The following TMEM273 variants were observed in gnomAD, a reference collection of about 807,000 sequenced individuals.
TMEM273 encodes the protein chromosome 10 open reading frame 128.
Under a neutral mutation model 17.9 loss-of-function variants are expected in TMEM273, and 19 were observed. The observed-to-expected ratio is 1.06, with a 90% CI of 0.74 to 1.55. The LOEUF is 1.55. Ranked by LOEUF, TMEM273 falls within the 40% of genes most tolerant of loss-of-function variation. The probability of loss-of-function intolerance (pLI) is 0.00; values close to 1 mark genes in which losing one functional copy is unlikely to be tolerated. For missense variants in TMEM273, 194 were observed against 155.6 expected, an observed-to-expected ratio of 1.25 and a Z score of -1.31; for synonymous variants, 66 against 62.0, an observed-to-expected ratio of 1.07 and a Z score of -0.31.
chr10:49,186,640 A>G (rs923215111), intron 1 of TMEM273, among the ~76,000 whole-genome samples: 2 of 152,184 alleles, frequency 1.3e-5, no homozygotes, highest in African/African-American at 4.8e-5. Flanking sequence ...AGATGAGAAA[A>G]CTGGGCACAG....
At chr10:49,155,997 A>G (rs1317598682) in intron 6 of TMEM273, 88 bp from the exon 7 acceptor site, 1 of 1,609,646 alleles carries the variant, frequency 6.2e-7, no homozygotes, top group East Asian at 2.2e-5. Context: ...TCACACAATT[A>G]AACAGGTATA....
At chr10:49,165,709 G>A (rs1437234414) in intron 4 of TMEM273, 57 bp downstream of exon 4, 11 of 1,606,426 alleles carry the variant, frequency 6.8e-6, no homozygotes, top group Admixed American at 6.7e-5. Flanking sequence ...GGAGTGGCAC[G>A]GTCAAGACAG....
intron 1 of TMEM273, among the ~76,000 whole-genome samples, chr10:49,186,123 A>AAGAAGAAGAAGAAGAGG (rs1564652601): frequency 2.5e-5 from 2 of 78,608 alleles, no homozygotes; most frequent in African/African-American, 1.2e-4. Flanking sequence ...AGAAGAAGAA[A>AAGAAGAAGAAGAAGAGG]AAGAGGAAGA....
chr10:49,167,197 T>C (rs867099015), intron 2 of TMEM273, among the ~76,000 whole-genome samples, 188 bp from the exon 3 acceptor site: 30 of 152,058 alleles, frequency 2.0e-4, no homozygotes, highest in Admixed American at 1.3e-4. Flanking sequence ...ATCCCCTCCT[T>C]CAGCTGTAGA....
At chr10:49,166,086 C>T (rs559419978) in intron 3 of TMEM273, among the ~76,000 whole-genome samples, 40 of 152,188 alleles carry the variant, frequency 2.6e-4, no homozygotes, top group Non-Finnish European at 5.1e-4. Context: ...CAGACCAGCC[C>T]CTTCTGCTTA....
intron 5 of TMEM273, 41 bp from the exon 6 acceptor site, chr10:49,161,663 A>G (rs966384863): frequency 7.4e-6 from 12 of 1,613,888 alleles, no homozygotes; most frequent in Admixed American, 6.7e-5. Flanking sequence ...CCTAAGCCTT[A>G]GAAGCCAGAA....
intron 1 of TMEM273, among the ~76,000 whole-genome samples, chr10:49,171,331 G>A (rs1590217074): frequency 0.1 from 1 of 10 alleles, no homozygotes; most frequent in Non-Finnish European, 0.25. Flanking sequence ...CCAGAATACA[G>A]GCCCTTGCTG....
intron 1 of TMEM273, among the ~76,000 whole-genome samples, chr10:49,184,110 CA>C (rs913725997): frequency 6.6e-6 from 1 of 152,182 alleles, no homozygotes; most frequent in Non-Finnish European, 1.5e-5. Context: ...GATCATTACA[CA>C]GGTGATATTG....
Position 49,168,046 on chromosome 10 carries a change from C to T in TMEM273, c.44-84G>A, listed in dbSNP as rs1590207727. ...CCCAGTCTCAGAGGCCTGGGAAAGC[C>T]TACCCCATGTACCCACCAGGAGCAC... is the stretch of plus-strand genomic sequence containing the variant. On this transcript the variant is annotated intron_variant, in intron 1 of 6. Transcript: ENST00000374153. The T allele has an allele frequency of 1.5e-5, 23 of 1,550,370 alleles. No individual in the cohort carries two copies. The East Asian group carries it at 5.2e-4, about 35-fold the overall frequency.
intron 1 of TMEM273, among the ~76,000 whole-genome samples, chr10:49,170,178 C>T (rs762255745): frequency 6.6e-6 from 1 of 152,216 alleles, no homozygotes; most frequent in Non-Finnish European, 1.5e-5. Context: ...CACAGAGACA[C>T]TCAAGAGACA....
chr10:49,156,198 G>A, intron 6 of TMEM273: 1 of 1,448,860 alleles, frequency 6.9e-7, no homozygotes, highest in Non-Finnish European at 9.2e-7. Flanking sequence ...AGGTTAATAG[G>A]CATATTTTGG....
At chr10:49,175,359 C>T (rs1846882973) in intron 1 of TMEM273, among the ~76,000 whole-genome samples, 1 of 152,174 alleles carries the variant, frequency 6.6e-6, no homozygotes, top group Admixed American at 6.5e-5. Flanking sequence ...GCCTTTTCTC[C>T]TCGCCGCACG....
chr10:49,181,695 A>C (rs1447730145), intron 1 of TMEM273, among the ~76,000 whole-genome samples: 1 of 152,204 alleles, frequency 6.6e-6, no homozygotes, highest in Non-Finnish European at 1.5e-5. Flanking sequence ...CTTTAAACAA[A>C]AAGAGCTCAA....
chr10:49,165,339 G>T, intron 4 of TMEM273, 56 bp from the exon 5 acceptor site: 2 of 1,550,192 alleles, frequency 1.3e-6, no homozygotes, highest in South Asian at 2.4e-5. Flanking sequence ...CCCAAGGCAG[G>T]ACCGTCCCTG....
chr10:49,181,389 G>A (rs572514529), intron 1 of TMEM273, among the ~76,000 whole-genome samples: 107 of 152,280 alleles, frequency 7.0e-4, no homozygotes, highest in African/African-American at 2.6e-3. Context: ...GAAAGATAAA[G>A]GAAAGAGAAA....
intron 1 of TMEM273, among the ~76,000 whole-genome samples, chr10:49,176,842 G>C (rs188532307): frequency 2.0e-5 from 3 of 152,218 alleles, no homozygotes; most frequent in African/African-American, 4.8e-5. Flanking sequence ...CAGCATCCGT[G>C]CTAGGCATCT....
At chr10:49,157,253 C>T (rs909349796) in intron 6 of TMEM273, among the ~76,000 whole-genome samples, 5 of 152,184 alleles carry the variant, frequency 3.3e-5, no homozygotes, top group Admixed American at 1.3e-4. Flanking sequence ...TGACAGGTAG[C>T]GATACCTCTG....
chr10:49,155,852 G>C lies in TMEM273; in HGVS notation c.*40C>G, dbSNP rs536631405. 6.2e-7 allele frequency: 1 copy of C among 1,614,034 alleles called. No individual in the cohort carries two copies. The highest frequency in any genetic ancestry group is 8.5e-7 in the Non-Finnish European group (1 of 1,180,002). On this transcript the variant is annotated 3_prime_UTR_variant, in exon 7 of 7. Transcript: ENST00000374153. ...ATGTTAACCATGGGCTGTTTTCCAC[G>C]GGGCTAGAACCCCTCTTCACGTCAC...
At chr10:49,166,673 G>C (rs1216686911) in intron 3 of TMEM273, 196 bp downstream of exon 3, 1 of 700,638 alleles carries the variant, frequency 1.4e-6, no homozygotes, top group African/African-American at 1.8e-5. Flanking sequence ...GACAGAGAGA[G>C]ATAGAGACAG....
Sources: allele counts gnomAD v4.1 joint callset (sites outside exome capture counted in the v4.1 genomes callset), GRCh38; gene constraint gnomAD v4.1.1; transcripts MANE v1.5; gene names NCBI Gene and HGNC (gene_info 2026-07-23, HGNC 2026-07-21).